The following CDH13 variants were observed in gnomAD, a reference collection of about 807,000 sequenced individuals.
The protein encoded by CDH13 is cadherin-13.
In CDH13, 24 loss-of-function variants were observed where a neutral mutation model predicts 63.8. The observed-to-expected ratio is 0.38, with a 90% CI of 0.27 to 0.53. CDH13 has a LOEUF of 0.53. CDH13 is among the 20% of genes least tolerant of loss of function. The pLI is 0.85. For synonymous variants in CDH13, 503 were observed against 355.3 expected, an observed-to-expected ratio of 1.42 and a Z score of -4.67; for missense variants, 1,049 against 903.1, an observed-to-expected ratio of 1.16 and a Z score of -2.07.
In CDH13 at chr16:83,770,277, C is replaced by T. The variant is rs536423857; in HGVS notation, c.1682-9691C>T. Among the ~76,000 whole-genome samples, 31 of 152,312 alleles carry T rather than the reference C, an allele frequency of 2.0e-4. No homozygotes were observed. The South Asian group carries it at 2.3e-3, about 11-fold the overall frequency. ...ACCAGTGTTTAGTACCAACCACAAGCACCAAAATACTCAAACTTCGAGCTC... is the reference window on the plus strand; with the variant it reads ...ACCAGTGTTTAGTACCAACCACAAGTACCAAAATACTCAAACTTCGAGCTC... On this transcript the variant is annotated intron_variant, in intron 11 of 13. Coordinates refer to ENST00000567109, the MANE Select transcript of CDH13 (RefSeq NM_001257.5).
At chr16:83,624,722 C>T (rs548478577) in intron 8 of CDH13, among the ~76,000 whole-genome samples, 2 of 152,114 alleles carry the variant, frequency 1.3e-5, no homozygotes, top group African/African-American at 2.4e-5. Context: ...ATCACCTGCC[C>T]ACCTCTGGGA....
intron 3 of CDH13, among the ~76,000 whole-genome samples, chr16:83,091,389 G>A (rs2033900667): frequency 6.6e-6 from 1 of 152,204 alleles, no homozygotes; most frequent in Non-Finnish European, 1.5e-5. Flanking sequence ...AGTTTGAGAA[G>A]CCCAATGACC....
At chr16:82,800,570 A>G (rs1013340285) in intron 1 of CDH13, among the ~76,000 whole-genome samples, 13 of 152,174 alleles carry the variant, frequency 8.5e-5, no homozygotes, top group Non-Finnish European at 1.5e-4. Flanking sequence ...AGGGCTCATA[A>G]CCCATAAAAG....
At chr16:83,738,781 C>T (rs576392378) in intron 10 of CDH13, among the ~76,000 whole-genome samples, 3 of 152,268 alleles carry the variant, frequency 2.0e-5, no homozygotes, top group African/African-American at 7.2e-5. Flanking sequence ...TTGCACATGC[C>T]TGTAATCTCA....
intron 2 of CDH13, among the ~76,000 whole-genome samples, chr16:83,002,819 G>A (rs866775337): frequency 3.3e-5 from 5 of 152,172 alleles, no homozygotes; most frequent in South Asian, 2.1e-4. Flanking sequence ...TGCAAAGGCC[G>A]TGACACTGGA....
intron 6 of CDH13, among the ~76,000 whole-genome samples, chr16:83,454,579 C>T (rs1007960963): frequency 2.0e-5 from 3 of 152,088 alleles, no homozygotes; most frequent in Non-Finnish European, 4.4e-5. Flanking sequence ...GTGTAATGGT[C>T]CATCAAGTAG....
intron 6 of CDH13, among the ~76,000 whole-genome samples, chr16:83,379,938 T>TATAGAGAGAGAGAG: frequency 3.2e-4 from 39 of 123,454 alleles, no homozygotes; most frequent in African/African-American, 5.2e-4. Context: ...TATATATATA[T>TATAGAGAGAGAGAG]AGAGAGAGAG....
At chr16:83,238,546 G>T (rs989829765) in intron 5 of CDH13, among the ~76,000 whole-genome samples, 28 of 152,132 alleles carry the variant, frequency 1.8e-4, no homozygotes, top group African/African-American at 6.3e-4. Flanking sequence ...TTTCTTGTAG[G>T]ACTTGAAACC....
chr16:83,309,380 C>T (rs1002939479), intron 5 of CDH13, among the ~76,000 whole-genome samples: 2 of 127,060 alleles, frequency 1.6e-5, no homozygotes, highest in Non-Finnish European at 3.6e-5. Flanking sequence ...CCCTCTCTCC[C>T]TTCTTTTTTT....
At chr16:82,954,846 C>T (rs1215974445) in intron 2 of CDH13, 1 of 151,654 alleles carries the variant, frequency 6.6e-6, no homozygotes. Flanking sequence ...GTCTCTGTTT[C>T]ATTCCCTTTT....
chr16:83,694,272 C>T (rs1490538251), intron 10 of CDH13, among the ~76,000 whole-genome samples: 2 of 152,234 alleles, frequency 1.3e-5, no homozygotes, highest in South Asian at 2.1e-4. Context: ...CCCCACATCA[C>T]TCATGCAAGA....
At chr16:83,123,730 G>T (rs1235910703) in intron 3 of CDH13, among the ~76,000 whole-genome samples, 2 of 152,136 alleles carry the variant, frequency 1.3e-5, no homozygotes, top group African/African-American at 4.8e-5. Context: ...CTGGTAGTGG[G>T]ATTGCTAGGT....
intron 1 of CDH13, among the ~76,000 whole-genome samples, chr16:82,747,982 C>G (rs561126649): frequency 1.6e-4 from 25 of 152,300 alleles, no homozygotes; most frequent in South Asian, 1.4e-3. Flanking sequence ...AGCTTGGGCT[C>G]AACTTGAGGA....
intron 1 of CDH13, among the ~76,000 whole-genome samples, chr16:82,671,893 C>A (rs1265389782): frequency 4.6e-5 from 7 of 152,108 alleles, no homozygotes; most frequent in African/African-American, 1.7e-4. Context: ...CTGAGAAGTG[C>A]CCCCTGCTGG....
intron 2 of CDH13, among the ~76,000 whole-genome samples, chr16:82,878,019 G>A (rs1367167515): frequency 6.6e-6 from 1 of 150,518 alleles, no homozygotes; most frequent in Non-Finnish European, 1.5e-5. Flanking sequence ...TAAACTAATC[G>A]AAAGTAAGAT....
chr16:83,018,998 G>A (rs1915082029), intron 2 of CDH13, among the ~76,000 whole-genome samples: 1 of 152,172 alleles, frequency 6.6e-6, no homozygotes, highest in African/African-American at 2.4e-5. Context: ...GAAGGCCTAG[G>A]ACATTACTGT....
At position 82,686,600 on chromosome 16, in the gene CDH13, C is replaced by T. The variant is rs540077014; in HGVS notation, c.45+59463C>T. On this transcript the variant is annotated intron_variant, in intron 1 of 13. Transcript: ENST00000567109. ...TCCATTATTTAATCACTCTGGCCTTCGGTTTTTCAGCTCTAAAAATGAGAA... is the reference window on the plus strand; with the variant it reads ...TCCATTATTTAATCACTCTGGCCTTTGGTTTTTCAGCTCTAAAAATGAGAA... Among the ~76,000 whole-genome samples the T allele has an allele frequency of 7.2e-5, 11 of 152,292 alleles. No homozygotes were observed. The South Asian group carries it at 1.5e-3, about 20-fold the overall frequency.
chr16:83,094,675 C>T (rs575971177), intron 3 of CDH13, among the ~76,000 whole-genome samples: 2 of 152,192 alleles, frequency 1.3e-5, no homozygotes, highest in African/African-American at 2.4e-5. Flanking sequence ...ATAAAGGGAT[C>T]TGAGCAGCAA....
chr16:82,948,789 A>C (rs1404665241), intron 2 of CDH13, among the ~76,000 whole-genome samples: 1 of 152,126 alleles, frequency 6.6e-6, no homozygotes, highest in East Asian at 1.9e-4. Context: ...CATATAACTA[A>C]TCTTCCTGGT....
Sources: allele counts gnomAD v4.1 joint callset (sites outside exome capture counted in the v4.1 genomes callset), GRCh38; gene constraint gnomAD v4.1.1; transcripts MANE v1.5; gene names NCBI Gene and HGNC (gene_info 2026-07-23, HGNC 2026-07-21).